The following SIPA1L3 variants were observed in gnomAD, a reference collection of about 807,000 sequenced individuals.
The protein encoded by SIPA1L3 is signal-induced proliferation-associated 1-like protein 3.
A neutral mutation model predicts 150.1 loss-of-function variants in SIPA1L3; 59 were observed. The observed-to-expected ratio is 0.39, with a 90% CI of 0.32 to 0.49. The LOEUF (loss-of-function observed/expected upper bound fraction) is 0.49, where lower values mean the gene tolerates loss of function less well. Ranked by LOEUF, SIPA1L3 falls within the 20% of genes least tolerant of loss-of-function variation. The pLI is 0.86. For missense variants in SIPA1L3, 2,211 were observed against 2,489.5 expected (o/e 0.89, Z 2.38); for synonymous variants, 1,070 against 1,077.6 (o/e 0.99, Z 0.14).
chr19:38,077,826 G>A (rs1296740298), intron 2 of SIPA1L3, among the ~76,000 whole-genome samples: 3 of 151,442 alleles, frequency 2.0e-5, no homozygotes, highest in African/African-American at 4.9e-5. Context: ...GTGCGCCACC[G>A]CACCCAGCTA....
intron 2 of SIPA1L3, among the ~76,000 whole-genome samples, chr19:38,033,111 A>G (rs1968689231): frequency 6.6e-6 from 1 of 152,198 alleles, no homozygotes; most frequent in African/African-American, 2.4e-5. Flanking sequence ...AGTTTCTGTG[A>G]AAAGGAAATG....
rs1186608347 is a variant in SIPA1L3 at position 38,050,914 on chromosome 19, C to T, written c.-311+21758C>T. ...TCTCTACAAAAAATACAAAAGTTAG[C>T]CCGGTGTGGTGGCACACACCTGTAA... On this transcript the variant is annotated intron_variant, in intron 2 of 21. Coordinates refer to ENST00000222345, the MANE Select transcript of SIPA1L3 (RefSeq NM_015073.3). 4.6e-5 allele frequency among the ~76,000 whole-genome samples: 7 copies of T among 152,150 alleles called. No individual in the cohort carries two copies. In the East Asian group the frequency reaches 1.4e-3, roughly 29 times the overall value.
At chr19:38,085,765 C>T (rs368822738) in intron 3 of SIPA1L3, among the ~76,000 whole-genome samples, 13 of 152,254 alleles carry the variant, frequency 8.5e-5, no homozygotes, top group African/African-American at 2.6e-4. Flanking sequence ...AGGCCCGAGG[C>T]GGGCAGATCA....
At chr19:38,031,286 C>T (rs756202424) in intron 2 of SIPA1L3, among the ~76,000 whole-genome samples, 2 of 152,256 alleles carry the variant, frequency 1.3e-5, no homozygotes, top group African/African-American at 4.8e-5. Flanking sequence ...GTACGATTAA[C>T]TCAATGACAG....
intron 1 of SIPA1L3, among the ~76,000 whole-genome samples, chr19:37,948,023 G>T (rs1428982360): frequency 6.6e-6 from 1 of 152,172 alleles, no homozygotes. Context: ...CCCTCCACGG[G>T]GCCCTGGCTA....
At chr19:37,919,884 A>G (rs979985397) in intron 1 of SIPA1L3, among the ~76,000 whole-genome samples, 1 of 151,044 alleles carries the variant, frequency 6.6e-6, no homozygotes, top group Non-Finnish European at 1.5e-5. Context: ...CTAATTTTGT[A>G]TTTTTAGTAG....
intron 2 of SIPA1L3, among the ~76,000 whole-genome samples, chr19:38,069,683 G>C (rs962846256): frequency 1.3e-5 from 2 of 151,718 alleles, no homozygotes; most frequent in African/African-American, 4.8e-5. Context: ...TTATTTTTGT[G>C]AGACAGAGTC....
intron 15 of SIPA1L3, among the ~76,000 whole-genome samples, chr19:38,180,563 T>G (rs1972533575): frequency 6.7e-6 from 1 of 149,998 alleles, no homozygotes; most frequent in African/African-American, 2.5e-5. Context: ...TTGAGACAAT[T>G]TCACTCTTTT....
At chr19:38,081,107 C>T (rs1348954460) in intron 2 of SIPA1L3, 149 bp from the exon 3 acceptor site, 1 of 395,466 alleles carries the variant, frequency 2.5e-6, no homozygotes, top group Non-Finnish European at 4.4e-6. Flanking sequence ...GTGACTCAGT[C>T]TCCTCTCTGC....
chr19:37,955,479 A>G (rs1287955582), intron 1 of SIPA1L3, among the ~76,000 whole-genome samples: 1 of 151,922 alleles, frequency 6.6e-6, no homozygotes, highest in Non-Finnish European at 1.5e-5. Context: ...GTTTTAGAAT[A>G]TTACCACCAC....
intron 1 of SIPA1L3, among the ~76,000 whole-genome samples, chr19:38,012,675 C>G (rs1045478522): frequency 3.9e-5 from 6 of 152,104 alleles, no homozygotes; most frequent in East Asian, 1.9e-4. Context: ...CCCCACCCCC[C>G]ATCCTCTCTC....
At chr19:38,037,668 T>C (rs967397812) in intron 2 of SIPA1L3, among the ~76,000 whole-genome samples, 4 of 152,144 alleles carry the variant, frequency 2.6e-5, no homozygotes, top group Non-Finnish European at 5.9e-5. Context: ...AGAGCTGGCA[T>C]TCGAGGAGCG....
intron 2 of SIPA1L3, among the ~76,000 whole-genome samples, chr19:38,049,485 G>T (rs1180599976): frequency 6.6e-6 from 1 of 152,138 alleles, no homozygotes; most frequent in African/African-American, 2.4e-5. Flanking sequence ...CACGGCTCAC[G>T]TGTCTGGTCC....
At chr19:37,957,550 C>CT (rs1002105547) in intron 1 of SIPA1L3, among the ~76,000 whole-genome samples, 3 of 148,732 alleles carry the variant, frequency 2.0e-5, no homozygotes, top group East Asian at 2.0e-4. Flanking sequence ...ATTTTTTTTT[C>CT]TTTTTTTTCT....
rs1970645771 is a variant in SIPA1L3 at position 38,107,350 on chromosome 19, C to T, written c.2133+710C>T. Among the ~76,000 whole-genome samples the T allele has an allele frequency of 1.3e-5, 2 of 152,136 alleles. 1 individual carries two copies. Among genetic ancestry groups the T allele is most frequent in the South Asian group, 4.1e-4 (2 of 4,832 alleles). Reference sequence around the variant, plus strand: ...CCAACCCTAGAGAGGGTGAGTGGTGCCAGCTCAACTTGAAACGGATGGAGG... The same window carrying T: ...CCAACCCTAGAGAGGGTGAGTGGTGTCAGCTCAACTTGAAACGGATGGAGG... On this transcript the variant is annotated intron_variant, in intron 7 of 21. Transcript: ENST00000222345.
At chr19:38,180,857 T>C (rs1336526627) in intron 15 of SIPA1L3, among the ~76,000 whole-genome samples, 1 of 152,216 alleles carries the variant, frequency 6.6e-6, no homozygotes, top group African/African-American at 2.4e-5. Flanking sequence ...CATTTAACTT[T>C]CAACTCCTTT....
intron 1 of SIPA1L3, among the ~76,000 whole-genome samples, chr19:37,950,959 G>T (rs561180838): frequency 1.3e-5 from 2 of 152,386 alleles, no homozygotes; most frequent in South Asian, 2.1e-4. Context: ...ATCTGCTCCC[G>T]CAGGTGGAGA....
At chr19:38,076,272 A>G (rs913158868) in intron 2 of SIPA1L3, among the ~76,000 whole-genome samples, 1 of 152,212 alleles carries the variant, frequency 6.6e-6, no homozygotes, top group Non-Finnish European at 1.5e-5. Context: ...CATAAAATAT[A>G]CACAAATGCA....
chr19:38,204,816 T>A (rs996236789), intron 21 of SIPA1L3, among the ~76,000 whole-genome samples: 15 of 152,296 alleles, frequency 9.8e-5, no homozygotes, highest in African/African-American at 2.9e-4. Flanking sequence ...TGTGGGAATT[T>A]ATCCGTGACA....
Sources: allele counts gnomAD v4.1 joint callset (sites outside exome capture counted in the v4.1 genomes callset), GRCh38; gene constraint gnomAD v4.1.1; transcripts MANE v1.5; gene names NCBI Gene and HGNC (gene_info 2026-07-23, HGNC 2026-07-21).